The following PLXND1 variants were observed in gnomAD, a reference collection of about 807,000 sequenced individuals.
PLXND1 encodes the protein plexin D1.
In PLXND1, 54 loss-of-function variants were observed where a neutral mutation model predicts 197.7. The ratio of observed to expected loss-of-function variants is 0.27; its 90% CI spans 0.22 to 0.34. PLXND1 has a LOEUF of 0.34. Ranked by LOEUF, PLXND1 falls within the 10% of genes least tolerant of loss-of-function variation. The pLI is 1.00. For missense variants in PLXND1, 2,127 were observed against 2,699.2 expected (o/e 0.79, Z 4.70); for synonymous variants, 1,180 against 1,161.2 (o/e 1.02, Z -0.33).
At chr3:129,571,324 G>A (rs377111479) in intron 17 of PLXND1, 21 bp from the exon 18 acceptor site, 10 of 1,604,376 alleles carry the variant, frequency 6.2e-6, no homozygotes, top group Admixed American at 5.2e-5. Context: ...AGAGCCAGGG[G>A]CCCAGGCCGG....
chr3:129,595,323 C>T (rs1410824453), intron 1 of PLXND1, among the ~76,000 whole-genome samples: 2 of 152,240 alleles, frequency 1.3e-5, no homozygotes, highest in Admixed American at 6.5e-5. Flanking sequence ...ACACTGTGTG[C>T]CAGCCCTGGG....
chr3:129,562,379 G>A (rs1479118886), intron 27 of PLXND1: 1 of 234,600 alleles, frequency 4.3e-6, no homozygotes, highest in South Asian at 7.6e-5. Flanking sequence ...ATGTGGTGGT[G>A]CACTCCTGTA....
At chr3:129,597,985 G>GC (rs2085653103) in intron 1 of PLXND1, among the ~76,000 whole-genome samples, 1 of 152,170 alleles carries the variant, frequency 6.6e-6, no homozygotes, top group Admixed American at 6.5e-5. Context: ...CCTGGATCCT[G>GC]CCAGCACCTG....
In PLXND1 at chr3:129,558,653, C is replaced by T; in HGVS notation, c.5298-78G>A. 2 of 1,430,490 alleles carry T rather than the reference C, an allele frequency of 1.4e-6. No homozygotes were observed. The highest frequency in any genetic ancestry group is 1.8e-5 in the Admixed American group (1 of 56,274). 88.6% of individuals were successfully genotyped at this position (1,430,490 alleles called of 1,614,324 possible). A position where few individuals can be genotyped will look rare whatever the true frequency, so the allele number is the denominator to read the frequency against. Reference sequence around the variant, plus strand: ...CGAGGGACAGTTGTGGAGGAGAGAGCTGGCTTTGTCCCTCAAGGGCCTGAG... The same window carrying T: ...CGAGGGACAGTTGTGGAGGAGAGAGTTGGCTTTGTCCCTCAAGGGCCTGAG... On this transcript the variant is annotated intron_variant, in intron 32 of 35. Transcript: ENST00000324093. This position sits in a 1 kb window ranked among gnomAD's most constrained non-coding sequence, Gnocchi z 4.1.
intron 2 of PLXND1, 122 bp from the exon 3 acceptor site, chr3:129,586,841 G>C: frequency 8.4e-7 from 1 of 1,185,746 alleles, no homozygotes; most frequent in Admixed American, 2.1e-5. Context: ...CCTTCAGGAG[G>C]GGTGGGAAGT....
At chr3:129,576,673 G>A (rs574031279) in intron 9 of PLXND1, among the ~76,000 whole-genome samples, 2 of 152,336 alleles carry the variant, frequency 1.3e-5, no homozygotes, top group African/African-American at 4.8e-5. Flanking sequence ...TCCCAGCTAT[G>A]TGACCTCATG....
Position 129,555,276 on chromosome 3 carries a change from GC to G in PLXND1, c.*1035del. 2.1e-6 allele frequency: 1 copy of G among 483,188 alleles called. No homozygotes were observed. Among genetic ancestry groups the G allele is most frequent in the Admixed American group, 4.3e-5 (1 of 23,424 alleles). 29.9% of individuals were successfully genotyped at this position (483,188 alleles called of 1,614,324 possible). A position where few individuals can be genotyped will look rare whatever the true frequency, so the allele number is the denominator to read the frequency against. On this transcript the variant is annotated 3_prime_UTR_variant, in exon 36 of 36. Coordinates refer to ENST00000324093, the MANE Select transcript of PLXND1 (RefSeq NM_015103.3). ...CCAGAGTCCCAGCTGCCCCCCTCCAGCCCCCATGGGCTCTGAGCCAGTCCCA... is the reference window on the plus strand; with the variant it reads ...CCAGAGTCCCAGCTGCCCCCCTCCAGCCCCATGGGCTCTGAGCCAGTCCCA...
chr3:129,597,239 C>T (rs1188510629), intron 1 of PLXND1, among the ~76,000 whole-genome samples: 1 of 152,034 alleles, frequency 6.6e-6, no homozygotes, highest in East Asian at 1.9e-4. Flanking sequence ...CGCCCTTAAC[C>T]ACAGCCTCCC....
At chr3:129,597,492 C>CACA (rs1553793536) in intron 1 of PLXND1, among the ~76,000 whole-genome samples, 2 of 152,092 alleles carry the variant, frequency 1.3e-5, no homozygotes, top group African/African-American at 4.8e-5. Flanking sequence ...GGCCCCCCCC[C>CACA]ATTATTTACC....
In PLXND1 at chr3:129,555,564, C is replaced by G. The variant is rs2084961957; in HGVS notation, c.*748G>C. 1.5e-6 allele frequency: 1 copy of G among 660,112 alleles called. No homozygotes were observed. The highest frequency in any genetic ancestry group is 2.9e-5 in the East Asian group (1 of 34,958). The allele number at this position is 660,112 out of a possible 1,614,324, so 40.9% of individuals were successfully genotyped here. A position where few individuals can be genotyped will look rare whatever the true frequency, so the allele number is the denominator to read the frequency against. The stretch of plus-strand genomic sequence containing the variant: ...AAAAGCTTTAAAAAAAAAAGTGGTG[C>G]TATCTTTAGAAACACTTTCAGCAAG... On this transcript the variant is annotated 3_prime_UTR_variant, in exon 36 of 36. Transcript: ENST00000324093.
Position 129,572,649 on chromosome 3 carries a change from G to A in PLXND1, c.3037C>T (p.Gln1013Ter). Residue 1013 changes from glutamine to a stop codon, truncating the protein, a stop_gained, in exon 15 of 36, where the codon CAG becomes TAG. Transcript: ENST00000324093. LOFTEE classifies it high-confidence loss of function. ...GGGTCTGTGTCGTTCACCAGGACCT[G>A]GAGCTCGGAGCCTACATGGAGGTCA... ...GNDLHVGSEL[Q>*]VLVNDTDPCT... 6.3e-7 allele frequency: 1 copy of A among 1,599,710 alleles called. No homozygotes were observed. The highest frequency in any genetic ancestry group is 2.2e-5 in the East Asian group (1 of 44,726).
intron 17 of PLXND1, 47 bp downstream of exon 17, chr3:129,571,462 G>A: frequency 2.6e-6 from 4 of 1,564,502 alleles, no homozygotes; most frequent in Non-Finnish European, 3.5e-6. Flanking sequence ...GGCCCTGGCT[G>A]TGCCTGGGCC....
At position 129,605,731 on chromosome 3, in the gene PLXND1, G is replaced by T; in HGVS notation, c.909C>A (p.Ser303Arg). Residue 303 changes from serine to arginine, a missense_variant, in exon 1 of 36, where the codon AGC becomes AGA. Around this residue, in one of 6 missense-constraint regions of PLXND1, gnomAD observed 1,095 missense variants for 1,259.8 expected, o/e 0.87. Transcript: ENST00000324093. ...AQSYAYLALN[S>R]EARAGDKESQ... ...TCTCCTTGTCGCCCGCGCGCGCCTC[G>T]CTGTTGAGCGCCAGGTACGCGTAGG... 1 of 1,544,370 alleles carries T rather than the reference G, an allele frequency of 6.5e-7. No homozygotes were observed.
intron 1 of PLXND1, among the ~76,000 whole-genome samples, chr3:129,594,028 A>G (rs2085584239): frequency 6.6e-6 from 1 of 152,218 alleles, no homozygotes; most frequent in Non-Finnish European, 1.5e-5. Context: ...GAGCGCTTCA[A>G]GAGCCCGGCT....
At chr3:129,579,066 G>A (rs1455139907) in intron 8 of PLXND1, among the ~76,000 whole-genome samples, 1 of 152,182 alleles carries the variant, frequency 6.6e-6, no homozygotes, top group Non-Finnish European at 1.5e-5. Flanking sequence ...GAAGGGCCCC[G>A]GGCTCATGGG....
chr3:129,564,407 A>G (rs1411246876), intron 25 of PLXND1, among the ~76,000 whole-genome samples: 2 of 152,244 alleles, frequency 1.3e-5, no homozygotes, highest in Non-Finnish European at 2.9e-5. Flanking sequence ...GCACTTTGGG[A>G]GGCCAAAGCG....
chr3:129,565,738 G>C (rs557427466), intron 24 of PLXND1, 149 bp downstream of exon 24: 2 of 933,304 alleles, frequency 2.1e-6, no homozygotes. Flanking sequence ...ATCGTGCCCC[G>C]TGAGCCAAGG....
At chr3:129,585,207 A>G (rs11917145) in intron 5 of PLXND1, among the ~76,000 whole-genome samples, 3,588 of 152,338 alleles carry the variant, frequency 0.024, 140 homozygotes, top group African/African-American at 0.082. Context: ...GTGATGTGTG[A>G]TAACGGCAGG....
intron 1 of PLXND1, among the ~76,000 whole-genome samples, chr3:129,597,488 C>CA (rs2085643198): frequency 1.3e-5 from 2 of 151,550 alleles, no homozygotes; most frequent in East Asian, 3.9e-4. Flanking sequence ...TGCGGGCCCC[C>CA]CCCCATTATT....
Sources: allele counts gnomAD v4.1 joint callset (sites outside exome capture counted in the v4.1 genomes callset), GRCh38; gene constraint gnomAD v4.1.1; regional missense constraint gnomAD v4.1.1; non-coding constraint Gnocchi (gnomAD v3.1); transcripts MANE v1.5; gene names NCBI Gene and HGNC (gene_info 2026-07-23, HGNC 2026-07-21).